UBE2G1: variants seen among roughly 807,000 people sequenced by gnomAD.
The protein encoded by UBE2G1 is ubiquitin-conjugating enzyme E2 G1.
UBE2G1 carries 5 observed loss-of-function variants against 22.7 expected under a neutral mutation model. The observed-to-expected ratio is 0.22, with a 90% CI of 0.12 to 0.46. The LOEUF (loss-of-function observed/expected upper bound fraction) is 0.46. UBE2G1 is among the 20% of genes least tolerant of loss of function. The pLI, the probability that UBE2G1 is intolerant of heterozygous loss-of-function variation, is 0.99. For synonymous variants in UBE2G1, 74 were observed against 67.5 expected (o/e 1.10, Z -0.47); for missense variants, 88 against 203.9 (o/e 0.43, Z 3.46).
At chr17:4,324,790 G>C (rs1969482506) in intron 1 of UBE2G1, among the ~76,000 whole-genome samples, 1 of 152,038 alleles carries the variant, frequency 6.6e-6, no homozygotes, top group South Asian at 2.1e-4. Context: ...TTAACAACTA[G>C]TTTAAGGCCG....
At chr17:4,303,916 C>T (rs941657692) in intron 2 of UBE2G1, among the ~76,000 whole-genome samples, 1 of 152,104 alleles carries the variant, frequency 6.6e-6, no homozygotes, top group Non-Finnish European at 1.5e-5. Flanking sequence ...ACAGACCAGC[C>T]ACTGGTGATG....
intron 3 of UBE2G1, 57 bp from the exon 4 acceptor site, chr17:4,289,465 A>C (rs1230768668): frequency 2.1e-6 from 3 of 1,448,304 alleles, no homozygotes; most frequent in Non-Finnish European, 2.7e-6. Context: ...TATACATGAA[A>C]TATCAATTAC....
intron 2 of UBE2G1, among the ~76,000 whole-genome samples, chr17:4,304,881 C>T (rs962856444): frequency 2.0e-5 from 3 of 151,986 alleles, no homozygotes; most frequent in Admixed American, 1.3e-4. Flanking sequence ...TCCAAGATGG[C>T]CTCTACTCTC....
intron 2 of UBE2G1, 74 bp downstream of exon 2, chr17:4,306,947 G>A (rs1004044236): frequency 6.3e-6 from 9 of 1,419,420 alleles, no homozygotes; most frequent in Non-Finnish European, 8.9e-6. Flanking sequence ...ACCGTGCCCA[G>A]CCTGCCAAAA....
chr17:4,280,643 T>TC (rs1968877183), intron 5 of UBE2G1, among the ~76,000 whole-genome samples: 1 of 132,782 alleles, frequency 7.5e-6, no homozygotes, highest in South Asian at 2.3e-4. Flanking sequence ...GCTGGGAATC[T>TC]TTTTTTTTTT....
intron 1 of UBE2G1, among the ~76,000 whole-genome samples, chr17:4,312,747 A>T (rs1969326302): frequency 6.6e-6 from 1 of 152,006 alleles, no homozygotes; most frequent in South Asian, 2.1e-4. Context: ...ATTAAAGCTA[A>T]AGGAGATGCA....
intron 1 of UBE2G1, among the ~76,000 whole-genome samples, chr17:4,342,881 T>G (rs1969727530): frequency 6.6e-6 from 1 of 152,188 alleles, no homozygotes; most frequent in Non-Finnish European, 1.5e-5. Context: ...CACCCTTTGC[T>G]GCTCCTCTGA....
chr17:4,312,955 G>A (rs1217875424), intron 1 of UBE2G1, among the ~76,000 whole-genome samples: 1 of 152,140 alleles, frequency 6.6e-6, no homozygotes, highest in African/African-American at 2.4e-5. Flanking sequence ...AAAAACCCAA[G>A]TGGAAATTTT....
intron 1 of UBE2G1, among the ~76,000 whole-genome samples, chr17:4,353,668 A>T (rs1264980280): frequency 2.0e-5 from 3 of 151,776 alleles, no homozygotes; most frequent in African/African-American, 7.3e-5. Context: ...ACGTGCCACC[A>T]CACCCGGCTA....
At chr17:4,276,367 A>G (rs1287513678) in intron 5 of UBE2G1, among the ~76,000 whole-genome samples, 1 of 151,948 alleles carries the variant, frequency 6.6e-6, no homozygotes, top group Non-Finnish European at 1.5e-5. Context: ...TTTAGTAGGA[A>G]GCGGTTTTGC....
At chr17:4,323,153 C>T (rs757789451) in intron 1 of UBE2G1, among the ~76,000 whole-genome samples, 1 of 152,150 alleles carries the variant, frequency 6.6e-6, no homozygotes, top group Non-Finnish European at 1.5e-5. Flanking sequence ...CAAAAATAGA[C>T]CTTTCTTAAA....
chr17:4,353,462 T>TAC (rs150917099), intron 1 of UBE2G1, among the ~76,000 whole-genome samples: 2,063 of 148,174 alleles, frequency 0.014, 43 homozygotes, highest in African/African-American at 0.048. Flanking sequence ...TATATATATA[T>TAC]ACACACACAC....
chr17:4,314,194 G>A (rs940849208), intron 1 of UBE2G1, among the ~76,000 whole-genome samples: 2 of 152,026 alleles, frequency 1.3e-5, no homozygotes, highest in African/African-American at 4.8e-5. Context: ...AACGGACCAG[G>A]GCTCTTCAGA....
At chr17:4,292,074 G>A (rs1022815103) in intron 3 of UBE2G1, among the ~76,000 whole-genome samples, 2 of 151,998 alleles carry the variant, frequency 1.3e-5, no homozygotes, top group Non-Finnish European at 2.9e-5. Flanking sequence ...TGTATGGCTG[G>A]CCTGTAATCC....
intron 2 of UBE2G1, among the ~76,000 whole-genome samples, chr17:4,303,152 C>A (rs1285860866): frequency 6.6e-6 from 1 of 152,018 alleles, no homozygotes; most frequent in African/African-American, 2.4e-5. Context: ...TGTATGAAGT[C>A]TCTTTCTACT....
intron 1 of UBE2G1, among the ~76,000 whole-genome samples, chr17:4,341,523 T>C (rs1969711943): frequency 5.3e-5 from 8 of 152,096 alleles, no homozygotes; most frequent in Admixed American, 5.2e-4. Flanking sequence ...GGTTCTTCTC[T>C]CTACTAAATT....
At chr17:4,307,980 A>G (rs1361908801) in intron 1 of UBE2G1, among the ~76,000 whole-genome samples, 1 of 152,202 alleles carries the variant, frequency 6.6e-6, no homozygotes, top group Non-Finnish European at 1.5e-5. Context: ...TGGCCTCCTG[A>G]TGGTGAGCAG....
At chr17:4,282,767 A>C in intron 5 of UBE2G1, 31 bp downstream of exon 5, 2 of 1,460,710 alleles carry the variant, frequency 1.4e-6, no homozygotes, top group Non-Finnish European at 1.9e-6. Flanking sequence ...CTTACAAAAA[A>C]ACAAAAGTAT....
chr17:4,281,411 A>C (rs941015809), intron 5 of UBE2G1, among the ~76,000 whole-genome samples: 3 of 152,264 alleles, frequency 2.0e-5, no homozygotes, highest in African/African-American at 7.2e-5. Context: ...AGAAAGGGAC[A>C]GAAGAAAGCA....
Sources: allele counts gnomAD v4.1 joint callset (sites outside exome capture counted in the v4.1 genomes callset), GRCh38; gene constraint gnomAD v4.1.1; transcripts MANE v1.5; gene names NCBI Gene and HGNC (gene_info 2026-07-23, HGNC 2026-07-21).